Variants in USP39 observed in about 807,000 individuals in gnomAD.
USP39 encodes the protein ubiquitin specific peptidase 39, also known as ubiquitin carboxyl-terminal hydrolase 39.
A neutral mutation model predicts 66.4 loss-of-function variants in USP39; 38 were observed. The observed-to-expected ratio is 0.57, with a 90% CI of 0.44 to 0.75. The LOEUF (loss-of-function observed/expected upper bound fraction) is 0.75, where lower values mean the gene tolerates loss of function less well. USP39 is among the 30% of genes least tolerant of loss of function. The pLI is 0.00. For synonymous variants in USP39, 303 were observed against 274.6 expected, an observed-to-expected ratio of 1.10 and a Z score of -1.02; for missense variants, 608 against 714.4, an observed-to-expected ratio of 0.85 and a Z score of 1.70.
chr2:85,611,623 A>T (rs745599955), upstream of USP39: 15 of 1,561,278 alleles, frequency 9.6e-6, no homozygotes, highest in Non-Finnish European at 1.3e-5. Flanking sequence ...AGTGCGTTGC[A>T]GGAAGAGCGC....
upstream of USP39, among the ~76,000 whole-genome samples, chr2:85,609,960 C>T (rs1292443835): frequency 6.6e-6 from 1 of 150,968 alleles, no homozygotes; most frequent in Non-Finnish European, 1.5e-5. Context: ...GGATTACAGG[C>T]GTGAGCCACT....
intron 6 of USP39, among the ~76,000 whole-genome samples, chr2:85,631,204 G>A (rs1675303393): frequency 6.6e-6 from 1 of 151,908 alleles, no homozygotes; most frequent in Admixed American, 6.6e-5. Flanking sequence ...TAGCAGAGAT[G>A]GGGTTTCACT....
chr2:85,645,105 C>T (rs367839498), intron 11 of USP39, 22 bp downstream of exon 11: 5 of 1,613,876 alleles, frequency 3.1e-6, no homozygotes, highest in Non-Finnish European at 3.4e-6. Flanking sequence ...CTGACCGTCT[C>T]ATGGCACAGA....
At chr2:85,624,217 C>G (rs1268635607) in intron 4 of USP39, among the ~76,000 whole-genome samples, 2 of 152,090 alleles carry the variant, frequency 1.3e-5, no homozygotes, top group Non-Finnish European at 2.9e-5. Flanking sequence ...AGTTTGTGAC[C>G]TGTGCCAAGA....
intron 1 of USP39, among the ~76,000 whole-genome samples, chr2:85,604,492 G>A (rs774116154): frequency 2.8e-4 from 42 of 152,160 alleles, no homozygotes; most frequent in Non-Finnish European, 4.9e-4. Context: ...GATTACAGAT[G>A]TGAACCACCG....
In USP39 at chr2:85,632,448, C is replaced by CTTT. The variant is rs59457171; in HGVS notation, c.949+1517_949+1519dup. 1.4e-4 allele frequency among the ~76,000 whole-genome samples: 19 copies of CTTT among 136,024 alleles called. 1 individual carries two copies. Among genetic ancestry groups the CTTT allele is most frequent in the South Asian group, 2.3e-4 (1 of 4,296 alleles). 89.2% of individuals were successfully genotyped at this position (136,024 alleles called of 152,430 possible). A position where few individuals can be genotyped will look rare whatever the true frequency, so the allele number is the denominator to read the frequency against. ...AAATCAATAAGCAAATTTCAACTAT[C>CTTT]TTTTTTTTTTTTTTTTTGAGACAGA... On this transcript the variant is annotated intron_variant, in intron 6 of 12. Coordinates refer to ENST00000323701, the MANE Select transcript of USP39 (RefSeq NM_006590.4).
chr2:85,618,199 G>A (rs1409925459), intron 1 of USP39, among the ~76,000 whole-genome samples: 2 of 151,730 alleles, frequency 1.3e-5, no homozygotes, highest in African/African-American at 4.8e-5. Flanking sequence ...CAGGTGAGCC[G>A]CCTGCCTCTG....
chr2:85,649,067 G>T lies in USP39; in HGVS notation c.*259G>T, dbSNP rs552854162. The T allele has an allele frequency of 6.1e-6, 3 of 495,574 alleles. No individual in the cohort carries two copies. In the South Asian group the frequency reaches 7.7e-5, roughly 13 times the overall value. The allele number at this position is 495,574 out of a possible 1,614,324, so 30.7% of individuals were successfully genotyped here. A position where few individuals can be genotyped will look rare whatever the true frequency, so the allele number is the denominator to read the frequency against. On this transcript the variant is annotated 3_prime_UTR_variant, in exon 13 of 13. Coordinates refer to ENST00000323701, the MANE Select transcript of USP39 (RefSeq NM_006590.4). ...TGAGCTCCCATCTAGCTTCAGCAGG[G>T]CAGAACCCTTCTCCAGATGTGTGTA...
chr2:85,618,559 C>T (rs1300393990), intron 1 of USP39, among the ~76,000 whole-genome samples: 4 of 137,062 alleles, frequency 2.9e-5, no homozygotes, highest in African/African-American at 1.1e-4. Context: ...GAGACTCCGT[C>T]TCAAAAAAAA....
chr2:85,609,498 A>G, upstream of USP39: 1 of 1,614,172 alleles, frequency 6.2e-7, no homozygotes, highest in South Asian at 1.1e-5. Context: ...AGAAGAGCTG[A>G]TGGCCAGAAG....
At chr2:85,604,038 T>C (rs994800864) in intron 1 of USP39, among the ~76,000 whole-genome samples, 6 of 152,064 alleles carry the variant, frequency 3.9e-5, no homozygotes, top group African/African-American at 9.7e-5. Context: ...CAGGCGCAGG[T>C]TGCCCAGCGT....
chr2:85,614,654 G>A (rs1187484548), upstream of USP39, among the ~76,000 whole-genome samples: 1 of 152,166 alleles, frequency 6.6e-6, no homozygotes, highest in Non-Finnish European at 1.5e-5. Flanking sequence ...GGGGAGATGT[G>A]CTCTGCTACA....
intron 1 of USP39, among the ~76,000 whole-genome samples, chr2:85,604,289 T>TA (rs1408313337): frequency 1.3e-5 from 2 of 152,166 alleles, no homozygotes; most frequent in East Asian, 3.9e-4. Flanking sequence ...GGCTCACTGT[T>TA]ACCTCTGCCT....
chr2:85,644,949 A>G lies in USP39; in HGVS notation c.1429A>G (p.Asn477Asp). ...CGGCTTTATTTTAACCATTAACAGA[A>G]ATGTGGATCTGAGAGAATACTTGTC... is the stretch of plus-strand genomic sequence containing the variant. ...NPTIVNFPIT[N>D]VDLREYLSEE... Residue 477 changes from asparagine (N) to aspartate (D), a missense_variant and splice_region_variant, in exon 11 of 13, where the codon AAT (asparagine) becomes GAT (aspartate). By Grantham distance (23) the Asn-to-Asp change is conservative (BLOSUM62 1). Coordinates refer to ENST00000323701, the MANE Select transcript of USP39 (RefSeq NM_006590.4). The G allele has an allele frequency of 6.2e-7, 1 of 1,613,986 alleles. No individual in the cohort carries two copies. Among genetic ancestry groups the G allele is most frequent in the Non-Finnish European group, 8.5e-7 (1 of 1,179,972 alleles).
chr2:85,617,212 C>T (rs375339431), intron 1 of USP39, among the ~76,000 whole-genome samples: 2 of 151,768 alleles, frequency 1.3e-5, no homozygotes, highest in Non-Finnish European at 2.9e-5. Context: ...CCTCGGCCTC[C>T]CAAAGTGCTG....
rs1173800563 is a variant in USP39, at chr2:85,640,972, C to T, written c.1285-4C>T. 5 of 1,598,084 alleles carry T rather than the reference C, an allele frequency of 3.1e-6. No homozygotes were observed. The highest frequency in any genetic ancestry group is 3.7e-5 in the Admixed American group (2 of 54,780). On this transcript the variant is annotated splice_region_variant and splice_polypyrimidine_tract_variant and intron_variant, in intron 9 of 12. Coordinates refer to ENST00000323701, the MANE Select transcript of USP39 (RefSeq NM_006590.4). ...AATTTGAGAATTTTCTTTTCTTTCT[C>T]TAGGAATATAAGACTTACAAGGAGA...
At chr2:85,607,944 A>G (rs1673278054), upstream of USP39, 1 of 152,248 alleles carries the variant, frequency 6.6e-6, no homozygotes, top group Non-Finnish European at 1.5e-5. Context: ...CCTGGGAGGT[A>G]GGAGAGAAGG....
rs186307529 is a variant in USP39 at position 85,605,088 on chromosome 2, G to T, written n.226+2007G>T. Among the ~76,000 whole-genome samples the T allele has an allele frequency of 1.9e-3, 287 of 152,214 alleles. 1 individual carries two copies. The highest frequency in any genetic ancestry group is 3.2e-3 in the Non-Finnish European group (221 of 68,010). ...ACCTTCCAACTCTAATGCTACATGA[G>T]TCTGTCTAGTTGTTATGTTCCAACA... On this transcript the variant is annotated intron_variant and non_coding_transcript_variant, in intron 1 of 12. Coordinates refer to the USP39 transcript ENST00000459775.
chr2:85,624,791 C>T (rs1447282934), intron 4 of USP39, among the ~76,000 whole-genome samples: 1 of 151,824 alleles, frequency 6.6e-6, no homozygotes, highest in East Asian at 1.9e-4. Flanking sequence ...TGATGAGACC[C>T]CGTTTCTACT....
Sources: allele counts gnomAD v4.1 joint callset (sites outside exome capture counted in the v4.1 genomes callset), GRCh38; gene constraint gnomAD v4.1.1; transcripts MANE v1.5; gene names NCBI Gene and HGNC (gene_info 2026-07-23, HGNC 2026-07-21).